Variants in DPP6 observed in about 807,000 individuals in gnomAD.
DPP6 encodes dipeptidyl peptidase like 6.
DPP6 carries 69 observed loss-of-function variants against 122.6 expected under a neutral mutation model. The ratio of observed to expected loss-of-function variants is 0.56; its 90% CI spans 0.46 to 0.69. The LOEUF (loss-of-function observed/expected upper bound fraction) is 0.69. DPP6 is among the 30% of genes least tolerant of loss of function. The pLI is 0.00. For missense variants in DPP6, 928 were observed against 1,116.9 expected (o/e 0.83, Z 2.41); for synonymous variants, 418 against 433.1 (o/e 0.97, Z 0.43).
At chr7:154,181,773 CAA>C (rs1798100583) in intron 1 of DPP6, among the ~76,000 whole-genome samples, 1 of 127,206 alleles carries the variant, frequency 7.9e-6, no homozygotes, top group South Asian at 2.5e-4. Context: ...TTTTTTGAGA[CAA>C]AGTCTCTGTC....
At chr7:154,452,197 A>T (rs905048913) in intron 2 of DPP6, among the ~76,000 whole-genome samples, 20 of 152,358 alleles carry the variant, frequency 1.3e-4, no homozygotes, top group Middle Eastern at 3.4e-3. Flanking sequence ...AGTACTTCCC[A>T]TGAAGCTTAG....
chr7:154,353,974 G>A (rs1811077787), intron 1 of DPP6, among the ~76,000 whole-genome samples: 1 of 152,102 alleles, frequency 6.6e-6, no homozygotes, highest in African/African-American at 2.4e-5. Context: ...CTTGAGGATG[G>A]GGCTTATTCA....
chr7:154,601,278 G>T (rs1229799846), intron 5 of DPP6, among the ~76,000 whole-genome samples: 1 of 121,070 alleles, frequency 8.3e-6, no homozygotes, highest in Admixed American at 9.2e-5. Context: ...AATTACTTTT[G>T]CTGTGAATTA....
chr7:154,058,761 C>CG (rs1554445644), intron 1 of DPP6: 3 of 148,442 alleles, frequency 2.0e-5, no homozygotes, highest in South Asian at 4.3e-4. Context: ...TCTTCCCCCC[C>CG]GGCTCTGAGG....
chr7:154,363,831 A>G (rs893144402), intron 1 of DPP6, among the ~76,000 whole-genome samples: 3 of 152,162 alleles, frequency 2.0e-5, no homozygotes, highest in African/African-American at 7.2e-5. Context: ...GTTTATTTTC[A>G]TCTGTTACAT....
chr7:154,621,526 A>G (rs1020731561), intron 5 of DPP6, among the ~76,000 whole-genome samples: 17 of 150,700 alleles, frequency 1.1e-4, no homozygotes, highest in South Asian at 6.4e-4. Context: ...ATGCCACCAC[A>G]CCCAGCTAAT....
chr7:154,670,837 C>T (rs1323777235), intron 7 of DPP6, among the ~76,000 whole-genome samples: 2 of 152,198 alleles, frequency 1.3e-5, no homozygotes, highest in Non-Finnish European at 2.9e-5. Flanking sequence ...ATTAATTCCA[C>T]TGCCTTGAAT....
intron 1 of DPP6, among the ~76,000 whole-genome samples, chr7:153,923,662 G>A (rs1409650477): frequency 6.7e-6 from 1 of 149,156 alleles, no homozygotes; most frequent in Non-Finnish European, 1.5e-5. Context: ...TTGGGAGGCT[G>A]AGGCAGAAGA....
At chr7:154,188,721 CAG>C (rs1174980559) in intron 1 of DPP6, among the ~76,000 whole-genome samples, 3 of 152,344 alleles carry the variant, frequency 2.0e-5, no homozygotes, top group East Asian at 3.9e-4. Flanking sequence ...TGTACACACA[CAG>C]ACTCTGGTAT....
intron 8 of DPP6, among the ~76,000 whole-genome samples, chr7:154,764,404 C>A (rs964513247): frequency 1.3e-5 from 2 of 152,062 alleles, no homozygotes; most frequent in African/African-American, 2.4e-5. Context: ...GTGGTCATAC[C>A]CTTTCTCCTT....
intron 5 of DPP6, chr7:154,588,732 C>T (rs1021967668): frequency 2.7e-5 from 4 of 149,710 alleles, no homozygotes; most frequent in Admixed American, 6.6e-5. Context: ...ATCTTGTGGT[C>T]TTTCTCCATG....
chr7:154,028,049 C>T lies in DPP6; in HGVS notation c.51+140315C>T, dbSNP rs370792277. 2.8e-3 allele frequency among the ~76,000 whole-genome samples: 418 copies of T among 151,162 alleles called. 13 individuals carry two copies. The highest frequency in any genetic ancestry group is 9.5e-3 in the African/African-American group (387 of 40,854). ...GTCCACAGACCACTGCATGGTGCTT[C>T]GTCACCACCGGCCGGTGCTCCCATG... is the stretch of plus-strand genomic sequence containing the variant. On this transcript the variant is annotated intron_variant, in intron 1 of 25. Transcript: ENST00000404039.
At chr7:154,785,382 TTA>T in intron 10 of DPP6, among the ~76,000 whole-genome samples, 1 of 152,226 alleles carries the variant, frequency 6.6e-6, no homozygotes, top group Non-Finnish European at 1.5e-5. Context: ...TAAATGAATT[TTA>T]GTCTTATTTA....
intron 1 of DPP6, chr7:154,093,632 C>CATACA (rs746381906): frequency 7.8e-6 from 1 of 128,176 alleles, no homozygotes; most frequent in Non-Finnish European, 1.7e-5. Context: ...CACACACACA[C>CATACA]CATACACACA....
chr7:154,729,088 G>T (rs1031768213), intron 8 of DPP6, among the ~76,000 whole-genome samples: 1 of 152,218 alleles, frequency 6.6e-6, no homozygotes, highest in Non-Finnish European at 1.5e-5. Context: ...ACAAGGTAAG[G>T]AATATTTATT....
chr7:154,394,725 T>C (rs1051197765), intron 1 of DPP6, among the ~76,000 whole-genome samples: 3 of 152,200 alleles, frequency 2.0e-5, no homozygotes, highest in African/African-American at 4.8e-5. Context: ...TAGTTTTAGA[T>C]CTTACATTTA....
intron 16 of DPP6, among the ~76,000 whole-genome samples, chr7:154,830,036 G>A (rs563925084): frequency 5.3e-5 from 8 of 152,262 alleles, no homozygotes; most frequent in South Asian, 2.1e-4. Context: ...CTTTCAGGCC[G>A]TCAAAATCCT....
rs1041179390 is a variant in DPP6 at position 154,282,114 on chromosome 7, G to A, written c.244-164100G>A. 6.6e-6 allele frequency among the ~76,000 whole-genome samples: 1 copy of A among 152,150 alleles called. No individual in the cohort carries two copies. The highest frequency in any genetic ancestry group is 1.5e-5 in the Non-Finnish European group (1 of 68,022). On this transcript the variant is annotated intron_variant, in intron 1 of 25. Coordinates refer to ENST00000377770, the MANE Select transcript of DPP6 (RefSeq NM_130797.4). The surrounding 1 kb of genome is among the most constrained non-coding windows in gnomAD (Gnocchi z 4.8). Reference sequence around the variant, plus strand: ...ACCAAGTGTAATGATGTGTGTTGAGGGGTGGGGACAGGGCTGGCACAGTGC... The same window carrying A: ...ACCAAGTGTAATGATGTGTGTTGAGAGGTGGGGACAGGGCTGGCACAGTGC...
rs144267375 is a variant in DPP6, at chr7:154,087,826, A to C, written c.243+34763A>C. Among the ~76,000 whole-genome samples the C allele has an allele frequency of 1.8e-4, 28 of 152,348 alleles. No homozygotes were observed. The East Asian group carries it at 5.2e-3, about 28-fold the overall frequency. ...AAGCTACTGCATTTGGGGATTATTA[A>C]ATACAGACATATAGACACATATGTA... On this transcript the variant is annotated intron_variant, in intron 1 of 25. Coordinates refer to ENST00000377770, the MANE Select transcript of DPP6 (RefSeq NM_130797.4).
Sources: gnomAD v4.1 joint callset for allele counts (sites outside exome capture counted in the v4.1 genomes callset) on GRCh38, gnomAD v4.1.1 for gene constraint, Gnocchi (gnomAD v3.1) non-coding constraint, MANE v1.5 for transcripts, NCBI Gene and HGNC (gene_info 2026-07-23, HGNC 2026-07-21) for gene names.